The following FTCDNL1 variants were observed in gnomAD, a reference collection of about 807,000 sequenced individuals.
The protein encoded by FTCDNL1 is formiminotransferase N-terminal subdomain-containing protein.
A neutral mutation model predicts 5.9 loss-of-function variants in FTCDNL1; 11 were observed. The ratio of observed to expected loss-of-function variants is 1.87; its 90% CI spans 1.18 to 3.10. FTCDNL1 has a LOEUF of 3.10. FTCDNL1 is among the 30% of genes most tolerant of loss of function. FTCDNL1 has a pLI of 0.00. For synonymous variants in FTCDNL1, 58 were observed against 24.8 expected, an observed-to-expected ratio of 2.34 and a Z score of -3.99; for missense variants, 115 against 65.5, an observed-to-expected ratio of 1.76 and a Z score of -2.61.
chr2:199,796,825 T>C (rs1700196047), intron 3 of FTCDNL1, among the ~76,000 whole-genome samples: 2 of 151,990 alleles, frequency 1.3e-5, no homozygotes, highest in African/African-American at 4.8e-5. Flanking sequence ...AGAAAACAAG[T>C]AGTAAATATT....
At chr2:199,707,207 C>T in the FTCDNL1 span, among the ~76,000 whole-genome samples, 1 of 152,192 alleles carries the variant, frequency 6.6e-6, no homozygotes, top group Non-Finnish European at 1.5e-5. Flanking sequence ...TTGGAATGTC[C>T]TCCCCACTCC....
intron 4 of FTCDNL1, chr2:199,818,949 A>T (rs990345779): frequency 1.5e-4 from 23 of 152,402 alleles, no homozygotes; most frequent in African/African-American, 3.1e-4. Flanking sequence ...TTCCTGACAC[A>T]TCCCTTAGGG....
intron 3 of FTCDNL1, among the ~76,000 whole-genome samples, chr2:199,799,600 A>G (rs1352993931): frequency 6.6e-6 from 1 of 152,222 alleles, no homozygotes; most frequent in Non-Finnish European, 1.5e-5. Context: ...AAAATTGAAC[A>G]CAGGTGCTCT....
chr2:199,672,312 C>T, the FTCDNL1 span, among the ~76,000 whole-genome samples: 1 of 151,812 alleles, frequency 6.6e-6, no homozygotes, highest in African/African-American at 2.4e-5. Context: ...GGGATATACA[C>T]AAAAAAATGG....
At chr2:199,760,576 T>C (rs1174279594) in exon 4 of FTCDNL1, 2 of 504,008 alleles carry the variant, frequency 4.0e-6, no homozygotes, top group Admixed American at 6.5e-5. Flanking sequence ...TTATTGTATA[T>C]CTTTAAAATG....
chr2:199,734,475 A>G, the FTCDNL1 span, among the ~76,000 whole-genome samples: 1 of 152,206 alleles, frequency 6.6e-6, no homozygotes, highest in African/African-American at 2.4e-5. Context: ...GGATATTTGG[A>G]GATTATCAAA....
In FTCDNL1 at chr2:199,786,075, T is replaced by C. The variant is rs892165954; in HGVS notation, c.212-25240A>G. 3.8e-4 allele frequency among the ~76,000 whole-genome samples: 58 copies of C among 152,116 alleles called. 1 individual carries two copies. The highest frequency in any genetic ancestry group is 1.4e-3 in the African/African-American group (58 of 41,438). On this transcript the variant is annotated intron_variant, in intron 3 of 3. Transcript: ENST00000416668. Reference sequence around the variant, plus strand: ...TGGAGCTCAGGCAGTAATGCTCGGCTTGCCCTCCTGCTGCTCACCTCCTGC... The same window carrying C: ...TGGAGCTCAGGCAGTAATGCTCGGCCTGCCCTCCTGCTGCTCACCTCCTGC...
chr2:199,792,618 A>G (rs1392687575), intron 3 of FTCDNL1, among the ~76,000 whole-genome samples: 1 of 152,110 alleles, frequency 6.6e-6, no homozygotes. Flanking sequence ...GCTCTTGCCC[A>G]TGTTACCTCA....
chr2:199,751,609 A>G, the FTCDNL1 span, among the ~76,000 whole-genome samples: 1 of 152,054 alleles, frequency 6.6e-6, no homozygotes, highest in East Asian at 1.9e-4. Flanking sequence ...CCCATTCCAG[A>G]ACATTGTGAA....
At chr2:199,834,621 C>T (rs1413219324) in intron 3 of FTCDNL1, among the ~76,000 whole-genome samples, 2 of 152,148 alleles carry the variant, frequency 1.3e-5, no homozygotes, top group East Asian at 1.9e-4. Flanking sequence ...GTCCCAGCCG[C>T]CAATACTAGT....
the FTCDNL1 span, among the ~76,000 whole-genome samples, chr2:199,700,479 A>C: frequency 2.0e-4 from 30 of 152,342 alleles, no homozygotes; most frequent in African/African-American, 7.0e-4. Flanking sequence ...ATACTGCCAA[A>C]GCAATTTACA....
At chr2:199,711,152 C>A in the FTCDNL1 span, among the ~76,000 whole-genome samples, 2 of 151,986 alleles carry the variant, frequency 1.3e-5, no homozygotes, top group Admixed American at 6.6e-5. Flanking sequence ...TACAGAGTGC[C>A]AAAATGCAGC....
intron 3 of FTCDNL1, among the ~76,000 whole-genome samples, chr2:199,824,105 T>C (rs1456557181): frequency 6.6e-6 from 1 of 152,234 alleles, no homozygotes; most frequent in Non-Finnish European, 1.5e-5. Context: ...ATGGCCACCA[T>C]GGCCAGCCTA....
At chr2:199,824,184 C>T (rs1480148238) in intron 3 of FTCDNL1, among the ~76,000 whole-genome samples, 2 of 152,230 alleles carry the variant, frequency 1.3e-5, no homozygotes, top group African/African-American at 4.8e-5. Flanking sequence ...TACATCAGCA[C>T]TTGCTGCTTT....
At chr2:199,689,279 G>C in the FTCDNL1 span, among the ~76,000 whole-genome samples, 4 of 152,208 alleles carry the variant, frequency 2.6e-5, no homozygotes, top group African/African-American at 9.6e-5. Flanking sequence ...TAATGGTTTG[G>C]GTCTAGGTAT....
the FTCDNL1 span, among the ~76,000 whole-genome samples, chr2:199,742,252 G>A: frequency 2.0e-5 from 3 of 151,700 alleles, no homozygotes; most frequent in Non-Finnish European, 4.4e-5. Context: ...CTTCCCTAAC[G>A]CCTCCCATGA....
intron 3 of FTCDNL1, among the ~76,000 whole-genome samples, chr2:199,796,200 C>T (rs577871271): frequency 1.3e-5 from 2 of 152,136 alleles, no homozygotes; most frequent in East Asian, 1.9e-4. Context: ...GTTACTGTTG[C>T]TTAAAAATTT....
At chr2:199,691,573 G>T in the FTCDNL1 span, among the ~76,000 whole-genome samples, 1 of 152,146 alleles carries the variant, frequency 6.6e-6, no homozygotes, top group African/African-American at 2.4e-5. Context: ...GTAGGTCCAA[G>T]AATATCACAA....
chr2:199,757,191 AAC>A (rs1160564275), downstream of FTCDNL1, among the ~76,000 whole-genome samples: 1 of 152,246 alleles, frequency 6.6e-6, no homozygotes, highest in Non-Finnish European at 1.5e-5. Flanking sequence ...AAAAGTCCAT[AAC>A]ACAGGAGTGC....
Sources: gnomAD v4.1 joint callset for allele counts (sites outside exome capture counted in the v4.1 genomes callset) on GRCh38, gnomAD v4.1.1 for gene constraint, MANE v1.5 for transcripts, NCBI Gene and HGNC (gene_info 2026-07-23, HGNC 2026-07-21) for gene names.